Variants in GRIK1 observed in about 807,000 individuals in gnomAD.
GRIK1 encodes glutamate ionotropic receptor kainate type subunit 1.
Under a neutral mutation model 105.7 loss-of-function variants are expected in GRIK1, and 69 were observed. That is an observed-to-expected ratio of 0.65 (90% CI 0.54 to 0.80). The LOEUF (loss-of-function observed/expected upper bound fraction) is 0.80, where lower values mean the gene tolerates loss of function less well. GRIK1 is among the 30% of genes least tolerant of loss of function. The pLI is 0.00. For missense variants in GRIK1, 1,109 were observed against 1,167.3 expected, an observed-to-expected ratio of 0.95 and a Z score of 0.73; for synonymous variants, 438 against 431.3, an observed-to-expected ratio of 1.02 and a Z score of -0.19.
At chr21:29,794,871 C>T (rs955618780) in intron 1 of GRIK1, among the ~76,000 whole-genome samples, 1 of 151,926 alleles carries the variant, frequency 6.6e-6, no homozygotes, top group Non-Finnish European at 1.5e-5. Context: ...CATTTACTCT[C>T]CTGGAAGTAT....
Position 29,887,597 on chromosome 21 carries a change from C to T in GRIK1, c.118+51786G>A, listed in dbSNP as rs867467182. 2.5e-4 allele frequency among the ~76,000 whole-genome samples: 38 copies of T among 152,104 alleles called. No homozygotes were observed. The Middle Eastern group carries it at 0.014, about 54-fold the overall frequency. ...CCAGGTGTCTTGTACACATTTCAGGCAATTTTTTCTCATATAATAAGAAAG... is the reference window on the plus strand; with the variant it reads ...CCAGGTGTCTTGTACACATTTCAGGTAATTTTTTCTCATATAATAAGAAAG... On this transcript the variant is annotated intron_variant, in intron 1 of 17. Transcript: ENST00000327783.
chr21:29,564,336 A>C (rs2146189987), intron 14 of GRIK1, among the ~76,000 whole-genome samples: 1 of 151,944 alleles, frequency 6.6e-6, no homozygotes, highest in Non-Finnish European at 1.5e-5. Context: ...TTTAGTAGAG[A>C]CGGGGTTTCA....
chr21:29,761,055 C>T (rs142787076), intron 1 of GRIK1, among the ~76,000 whole-genome samples: 10 of 152,284 alleles, frequency 6.6e-5, no homozygotes, highest in South Asian at 2.1e-4. Flanking sequence ...ACCCTGTCCT[C>T]GGTAATCTAT....
chr21:29,706,131 C>A (rs1414027253), intron 1 of GRIK1, among the ~76,000 whole-genome samples: 2 of 152,164 alleles, frequency 1.3e-5, no homozygotes, highest in East Asian at 3.8e-4. Context: ...GCCTCGGCCT[C>A]CCAAAGCGCT....
chr21:29,695,338 C>T (rs926543020), intron 1 of GRIK1, among the ~76,000 whole-genome samples: 2 of 152,106 alleles, frequency 1.3e-5, no homozygotes, highest in African/African-American at 4.8e-5. Flanking sequence ...CCTTGATTGA[C>T]CAATACTCCT....
intron 12 of GRIK1, chr21:29,582,375 A>G (rs1196400736): frequency 1.1e-5 from 5 of 469,102 alleles, no homozygotes; most frequent in Non-Finnish European, 2.2e-5. Context: ...TTTCTATAGC[A>G]TTATTATAGG....
In GRIK1 at chr21:29,591,096, C is replaced by G; in HGVS notation, c.1365+16G>C. The G allele has an allele frequency of 1.5e-6, 2 of 1,372,598 alleles. No homozygotes were observed. Among genetic ancestry groups the G allele is most frequent in the South Asian group, 2.3e-5 (2 of 86,386 alleles). The allele number at this position is 1,372,598 out of a possible 1,614,324, so 85.0% of individuals were successfully genotyped here. A position where few individuals can be genotyped will look rare whatever the true frequency, so the allele number is the denominator to read the frequency against. ...AGCCTGGATAAGACACCCTCAATTC[C>G]ATGAAGTCAACTTACCAGAATGGTG... On this transcript the variant is annotated intron_variant, in intron 10 of 17. Coordinates refer to ENST00000327783, the MANE Select transcript of GRIK1 (RefSeq NM_001330994.2).
intron 4 of GRIK1, chr21:29,657,616 T>C (rs1362578752): frequency 6.6e-6 from 1 of 152,182 alleles, no homozygotes; most frequent in East Asian, 1.9e-4. Flanking sequence ...GAAATGGAAA[T>C]TAAGAAACGA....
chr21:29,800,812 G>A (rs1386117726), intron 1 of GRIK1, among the ~76,000 whole-genome samples: 1 of 152,174 alleles, frequency 6.6e-6, no homozygotes, highest in Non-Finnish European at 1.5e-5. Context: ...ACAAAAAATG[G>A]TAAGACCCTG....
chr21:29,867,797 GAAGAAAGAAAGA>G (rs548130429), intron 1 of GRIK1, among the ~76,000 whole-genome samples: 3 of 137,134 alleles, frequency 2.2e-5, no homozygotes, highest in Admixed American at 1.5e-4. Flanking sequence ...TATGTCGAAA[GAAGAAAGAAAGA>G]AAGAAAGAAT....
chr21:29,585,945 A>G (rs1358695542), intron 12 of GRIK1, among the ~76,000 whole-genome samples: 4 of 152,328 alleles, frequency 2.6e-5, no homozygotes, highest in South Asian at 2.1e-4. Context: ...CCTGTACACC[A>G]TAAGATGTTT....
At chr21:29,860,743 T>C (rs1228453688) in intron 1 of GRIK1, among the ~76,000 whole-genome samples, 1 of 152,156 alleles carries the variant, frequency 6.6e-6, no homozygotes, top group Non-Finnish European at 1.5e-5. Context: ...ATTTAAATTG[T>C]AGAGTGAAAG....
intron 4 of GRIK1, among the ~76,000 whole-genome samples, chr21:29,655,425 T>G (rs1171145565): frequency 2.0e-5 from 3 of 151,856 alleles, no homozygotes; most frequent in Non-Finnish European, 4.4e-5. Flanking sequence ...AAAAAAATAG[T>G]TTGTACTAAA....
intron 1 of GRIK1, among the ~76,000 whole-genome samples, chr21:29,759,323 T>C (rs1239661003): frequency 6.6e-6 from 1 of 152,086 alleles, no homozygotes; most frequent in Admixed American, 6.5e-5. Flanking sequence ...TTCACCATGT[T>C]AGCCAGGATG....
intron 1 of GRIK1, among the ~76,000 whole-genome samples, chr21:29,832,896 T>C (rs2067683425): frequency 1.3e-5 from 2 of 152,210 alleles, no homozygotes; most frequent in Admixed American, 1.3e-4. Flanking sequence ...TTTTCCACTT[T>C]TATACTCTGC....
chr21:29,911,443 G>A (rs2070812807), intron 1 of GRIK1, among the ~76,000 whole-genome samples: 1 of 152,038 alleles, frequency 6.6e-6, no homozygotes, highest in Non-Finnish European at 1.5e-5. Context: ...CCACGATCCT[G>A]GACTGGGAGA....
intron 1 of GRIK1, among the ~76,000 whole-genome samples, chr21:29,844,289 C>T (rs1350831402): frequency 6.6e-6 from 1 of 152,130 alleles, no homozygotes; most frequent in African/African-American, 2.4e-5. Context: ...ACTGTTCAAT[C>T]AGTGCTACCA....
chr21:29,856,241 G>A (rs1041773436), intron 1 of GRIK1, among the ~76,000 whole-genome samples: 5 of 152,136 alleles, frequency 3.3e-5, no homozygotes, highest in Non-Finnish European at 7.4e-5. Context: ...CAGAGACTGT[G>A]TGGAGGAAGA....
intron 7 of GRIK1, among the ~76,000 whole-genome samples, chr21:29,603,334 T>A (rs1379357020): frequency 6.6e-6 from 1 of 151,950 alleles, no homozygotes; most frequent in Non-Finnish European, 1.5e-5. Flanking sequence ...CCAAGTACTG[T>A]AACACATAAA....
Sources: gnomAD v4.1 joint callset for allele counts (sites outside exome capture counted in the v4.1 genomes callset) on GRCh38, gnomAD v4.1.1 for gene constraint, MANE v1.5 for transcripts, NCBI Gene and HGNC (gene_info 2026-07-23, HGNC 2026-07-21) for gene names.